PTPRO: variants seen among roughly 807,000 people sequenced by gnomAD.
PTPRO encodes the protein receptor-type tyrosine-protein phosphatase O.
A neutral mutation model predicts 145.2 loss-of-function variants in PTPRO; 62 were observed. The observed-to-expected ratio is 0.43, with a 90% CI of 0.35 to 0.53. The LOEUF (loss-of-function observed/expected upper bound fraction) is 0.53, where lower values mean the gene tolerates loss of function less well. Ranked by LOEUF, PTPRO falls within the 20% of genes least tolerant of loss-of-function variation. The probability of loss-of-function intolerance (pLI) is 0.01; values close to 1 mark genes in which losing one functional copy is unlikely to be tolerated. For synonymous variants in PTPRO, 565 were observed against 514.7 expected (o/e 1.10, Z -1.32); for missense variants, 1,345 against 1,482.7 (o/e 0.91, Z 1.53).
chr12:15,362,500 T>C lies in PTPRO; in HGVS notation c.75+39699T>C, dbSNP rs114503597. Among the ~76,000 whole-genome samples, 1,138 of 152,344 alleles carry C rather than the reference T, an allele frequency of 7.5e-3. 9 individuals are homozygous for C. The highest frequency in any genetic ancestry group is 0.025 in the African/African-American group (1,044 of 41,578). On this transcript the variant is annotated intron_variant, in intron 1 of 26. Transcript: ENST00000281171. Reference sequence around the variant, plus strand: ...TCTAAGTATTGTTTTGTATTGGATTTACTCTGAATATGTCAGGTCTTTATA... The same window carrying C: ...TCTAAGTATTGTTTTGTATTGGATTCACTCTGAATATGTCAGGTCTTTATA...
intron 1 of PTPRO, among the ~76,000 whole-genome samples, chr12:15,379,528 C>G (rs1599362): frequency 0.047 from 4,196 of 89,456 alleles, 233 homozygotes; most frequent in African/African-American, 0.16. Flanking sequence ...AAAGCTCCAT[C>G]TCAAAAAAAA....
At chr12:15,381,503 AT>A (rs1938861107) in intron 1 of PTPRO, among the ~76,000 whole-genome samples, 1 of 152,160 alleles carries the variant, frequency 6.6e-6, no homozygotes, top group Non-Finnish European at 1.5e-5. Flanking sequence ...TTCTAAAGCT[AT>A]GTATCAGTTC....
rs111959730 is a variant in PTPRO, at chr12:15,569,929, TAAC to T, written c.2829+433_2829+435del. On this transcript the variant is annotated intron_variant, in intron 19 of 26. Coordinates refer to ENST00000281171, the MANE Select transcript of PTPRO (RefSeq NM_030667.3). ...TGACCCCCTTTGTGTCCTGGGCACATAACATCCTGGAGTAGGGCTTTTCAAGCT... is the reference window on the plus strand; with the variant it reads ...TGACCCCCTTTGTGTCCTGGGCACATATCCTGGAGTAGGGCTTTTCAAGCT... Among the ~76,000 whole-genome samples the T allele has an allele frequency of 4.5e-3, 679 of 152,302 alleles. 5 individuals are homozygous for T. The highest frequency in any genetic ancestry group is 0.015 in the African/African-American group (629 of 41,558).
chr12:15,470,865 C>A (rs962830788), intron 1 of PTPRO, among the ~76,000 whole-genome samples: 2 of 152,194 alleles, frequency 1.3e-5, no homozygotes, highest in East Asian at 1.9e-4. Flanking sequence ...TATAACCTGG[C>A]AGCCTACAGG....
chr12:15,565,223 C>G (rs1305764460), intron 17 of PTPRO: 8 of 167,262 alleles, frequency 4.8e-5, no homozygotes, highest in Non-Finnish European at 2.6e-5. Context: ...ATTTATTCCC[C>G]CATTCTTCCT....
chr12:15,569,322 C>A (rs1943982246), intron 18 of PTPRO, 95 bp from the exon 19 acceptor site: 3 of 1,168,662 alleles, frequency 2.6e-6, no homozygotes, highest in African/African-American at 1.6e-5. Flanking sequence ...CTTCTATTTT[C>A]TCCAAGAAGA....
chr12:15,365,101 T>A (rs562605606), intron 1 of PTPRO, among the ~76,000 whole-genome samples: 92 of 152,284 alleles, frequency 6.0e-4, no homozygotes, highest in African/African-American at 2.1e-3. Flanking sequence ...GTTCTTCTAA[T>A]TTTTGCCAAG....
chr12:15,548,999 C>T, intron 13 of PTPRO, 95 bp from the exon 14 acceptor site: 1 of 1,331,894 alleles, frequency 7.5e-7, no homozygotes, highest in Non-Finnish European at 1.1e-6. Flanking sequence ...ACATTTTTTA[C>T]TCTGTCAATC....
chr12:15,575,738 C>T (rs528473613), intron 19 of PTPRO, among the ~76,000 whole-genome samples: 1 of 152,268 alleles, frequency 6.6e-6, no homozygotes, highest in South Asian at 2.1e-4. Context: ...AATTGCAGAG[C>T]CAGAATTCCA....
intron 25 of PTPRO, among the ~76,000 whole-genome samples, chr12:15,593,328 A>G (rs868384544): frequency 6.6e-6 from 1 of 152,238 alleles, no homozygotes; most frequent in Non-Finnish European, 1.5e-5. Flanking sequence ...TTTTGACCGG[A>G]TCTCATTTAA....
intron 2 of PTPRO, among the ~76,000 whole-genome samples, chr12:15,485,729 T>G (rs914116273): frequency 1.1e-4 from 16 of 152,276 alleles, no homozygotes; most frequent in African/African-American, 3.8e-4. Flanking sequence ...AGAAATTTGA[T>G]AGGTAAGCAA....
At chr12:15,355,016 A>C (rs2136235503) in intron 1 of PTPRO, among the ~76,000 whole-genome samples, 1 of 152,016 alleles carries the variant, frequency 6.6e-6, no homozygotes, top group East Asian at 1.9e-4. Flanking sequence ...TCTTTGTTCT[A>C]TTATTTTTGA....
At position 15,549,185 on chromosome 12, in the gene PTPRO, A is replaced by G. The variant is rs138096466; in HGVS notation, c.2396A>G (p.Asp799Gly). 4.6e-5 allele frequency: 74 copies of G among 1,613,132 alleles called. No homozygotes were observed. Among genetic ancestry groups the G allele is most frequent in the Non-Finnish European group, 6.1e-5 (72 of 1,179,522 alleles). The change falls in exon 14 of 27, where the codon GAC becomes GGC. Residue 799 changes from aspartate (D) to glycine (G), a missense_variant. Asp to Gly is a moderately conservative substitution (Grantham distance 94). Transcript: ENST00000281171. Reference protein sequence around the residue: ...YNCSVTSFSHDSPSVPTFIAV... With the variant: ...YNCSVTSFSHGSPSVPTFIAV... ...TGTAGTGTCACCAGCTTTAGCCATGACAGCCCCAGTGTCCCTACGTTCATA... is the reference window on the plus strand; with the variant it reads ...TGTAGTGTCACCAGCTTTAGCCATGGCAGCCCCAGTGTCCCTACGTTCATA...
intron 1 of PTPRO, among the ~76,000 whole-genome samples, chr12:15,473,768 CAAAAA>C (rs11340085): frequency 6.1e-5 from 4 of 65,566 alleles, no homozygotes; most frequent in Admixed American, 1.9e-4. Context: ...GACTCCATCT[CAAAAA>C]AAAAAAAAAA....
Position 15,476,328 on chromosome 12 carries a change from T to G in PTPRO, c.76-7646T>G, listed in dbSNP as rs528069141. Among the ~76,000 whole-genome samples, 3 of 152,258 alleles carry G rather than the reference T, an allele frequency of 2.0e-5. No individual in the cohort carries two copies. In the South Asian group the frequency reaches 6.2e-4, roughly 32 times the overall value. On this transcript the variant is annotated intron_variant, in intron 1 of 26. Transcript: ENST00000281171. ...TGAGATGAAGGAGGGCTCTTTGTTTTGCTTAGGAAGGCTAGAGGGAGGGCT... is the reference window on the plus strand; with the variant it reads ...TGAGATGAAGGAGGGCTCTTTGTTTGGCTTAGGAAGGCTAGAGGGAGGGCT...
chr12:15,355,380 G>T (rs1222398182), intron 1 of PTPRO, among the ~76,000 whole-genome samples: 1 of 152,140 alleles, frequency 6.6e-6, no homozygotes, highest in East Asian at 1.9e-4. Context: ...TCATTTCATG[G>T]CCTTAGTCAG....
intron 19 of PTPRO, among the ~76,000 whole-genome samples, chr12:15,571,020 T>A (rs1343017480): frequency 6.6e-6 from 1 of 152,140 alleles, no homozygotes; most frequent in African/African-American, 2.4e-5. Context: ...TTGTTTAAAC[T>A]AAAGGAAAGG....
intron 1 of PTPRO, among the ~76,000 whole-genome samples, chr12:15,465,005 T>G (rs1290726175): frequency 6.6e-6 from 1 of 152,226 alleles, no homozygotes; most frequent in African/African-American, 2.4e-5. Flanking sequence ...AAGAAAATAT[T>G]TAATGATGAC....
chr12:15,440,098 G>T (rs1940719148), intron 1 of PTPRO: 2 of 631,804 alleles, frequency 3.2e-6, no homozygotes, highest in African/African-American at 3.6e-5. Flanking sequence ...GCTCTGTGCT[G>T]GTGCACCTCA....
Sources: gnomAD v4.1 joint callset for allele counts (sites outside exome capture counted in the v4.1 genomes callset) on GRCh38, gnomAD v4.1.1 for gene constraint, MANE v1.5 for transcripts, NCBI Gene and HGNC (gene_info 2026-07-23, HGNC 2026-07-21) for gene names.